SMYD3: variants seen among roughly 807,000 people sequenced by gnomAD.
SMYD3 encodes the protein histone-lysine N-methyltransferase SMYD3.
Under a neutral mutation model 57.7 loss-of-function variants are expected in SMYD3, and 36 were observed. The observed-to-expected ratio is 0.62, with a 90% CI of 0.48 to 0.82. The LOEUF (loss-of-function observed/expected upper bound fraction) is 0.82, where lower values mean the gene tolerates loss of function less well. Ranked by LOEUF, SMYD3 falls within the 40% of genes least tolerant of loss-of-function variation. The probability of loss-of-function intolerance (pLI) is 0.00; values close to 1 mark genes in which losing one functional copy is unlikely to be tolerated. For missense variants in SMYD3, 515 were observed against 538.8 expected (o/e 0.96, Z 0.44); for synonymous variants, 211 against 195.0 (o/e 1.08, Z -0.68).
At chr1:246,470,599 T>C (rs1223651433) in intron 1 of SMYD3, among the ~76,000 whole-genome samples, 1 of 150,452 alleles carries the variant, frequency 6.6e-6, no homozygotes, top group Non-Finnish European at 1.5e-5. Flanking sequence ...ATACATTGTG[T>C]ATATATACAC....
chr1:246,143,016 A>G (rs1366372549), intron 5 of SMYD3, among the ~76,000 whole-genome samples: 3 of 152,224 alleles, frequency 2.0e-5, no homozygotes, highest in Non-Finnish European at 4.4e-5. Context: ...ATGGTAAGAA[A>G]TAATTGCCAC....
intron 5 of SMYD3, among the ~76,000 whole-genome samples, chr1:246,017,280 T>C (rs764799088): frequency 6.6e-6 from 1 of 152,204 alleles, no homozygotes; most frequent in Non-Finnish European, 1.5e-5. Flanking sequence ...GCCCATCACC[T>C]CCAAATTGTG....
At chr1:246,018,675 AGCTCACTGCAGCTTCAAATTCCGGG>A (rs757385142) in intron 5 of SMYD3, among the ~76,000 whole-genome samples, 1 of 150,928 alleles carries the variant, frequency 6.6e-6, no homozygotes, top group Non-Finnish European at 1.5e-5. Context: ...CAAAAATCAC[AGCTCACTGCAGCTTCAAATTCCGGG>A]GCTCATGCAA....
At chr1:246,127,171 T>C (rs1009984430) in intron 5 of SMYD3, among the ~76,000 whole-genome samples, 28 of 152,116 alleles carry the variant, frequency 1.8e-4, no homozygotes, top group African/African-American at 6.8e-4. Flanking sequence ...TAATGCCATA[T>C]AGAACTCTGA....
intron 5 of SMYD3, among the ~76,000 whole-genome samples, chr1:246,090,380 G>C (rs979248040): frequency 5.9e-5 from 9 of 151,822 alleles, no homozygotes; most frequent in Admixed American, 2.0e-4. Flanking sequence ...TCATTAAATG[G>C]GCATGGAAGA....
At chr1:245,807,764 T>A (rs1047098528) in intron 10 of SMYD3, among the ~76,000 whole-genome samples, 1 of 149,372 alleles carries the variant, frequency 6.7e-6, no homozygotes, top group African/African-American at 2.5e-5. Flanking sequence ...TAAAAGTCTA[T>A]AGATTAATCC....
intron 5 of SMYD3, among the ~76,000 whole-genome samples, chr1:246,001,906 G>C (rs891619615): frequency 6.6e-6 from 1 of 152,148 alleles, no homozygotes; most frequent in African/African-American, 2.4e-5. Context: ...TTCAGAACAA[G>C]AGATTTTGAC....
chr1:246,200,855 A>G (rs2062912324), intron 5 of SMYD3, among the ~76,000 whole-genome samples: 1 of 152,202 alleles, frequency 6.6e-6, no homozygotes, highest in African/African-American at 2.4e-5. Context: ...TAAAGTCATG[A>G]TATCAAACCT....
At chr1:246,194,331 G>T (rs980415545) in intron 5 of SMYD3, among the ~76,000 whole-genome samples, 2 of 151,274 alleles carry the variant, frequency 1.3e-5, no homozygotes, top group Non-Finnish European at 2.9e-5. Flanking sequence ...GCAGTAGTGC[G>T]ATCTCAGCTC....
intron 10 of SMYD3, among the ~76,000 whole-genome samples, chr1:245,832,476 GT>G (rs200013317): frequency 5.0e-4 from 11 of 22,150 alleles, no homozygotes; most frequent in Non-Finnish European, 9.6e-4. Flanking sequence ...TCGATTTAAT[GT>G]TTTTTTTGTT....
intron 10 of SMYD3, among the ~76,000 whole-genome samples, chr1:245,773,983 T>C (rs2046437613): frequency 1.3e-5 from 2 of 152,252 alleles, no homozygotes; most frequent in Admixed American, 1.3e-4. Flanking sequence ...TTATAAAAGT[T>C]GGTTTATATT....
At chr1:245,923,039 G>A (rs760841865) in intron 7 of SMYD3, among the ~76,000 whole-genome samples, 8 of 152,058 alleles carry the variant, frequency 5.3e-5, no homozygotes, top group Admixed American at 1.3e-4. Flanking sequence ...AGCCATGGTC[G>A]TATATACAAA....
At chr1:246,080,665 A>G (rs547382918) in intron 5 of SMYD3, among the ~76,000 whole-genome samples, 9 of 152,358 alleles carry the variant, frequency 5.9e-5, no homozygotes, top group Admixed American at 3.3e-4. Context: ...CTTTTACCAT[A>G]CAAAGGAGGA....
chr1:246,098,033 T>C (rs1255077099), intron 5 of SMYD3, among the ~76,000 whole-genome samples: 1 of 152,218 alleles, frequency 6.6e-6, no homozygotes, highest in African/African-American at 2.4e-5. Context: ...CTGTGTCTAA[T>C]TATTTAAAAA....
chr1:246,318,972 G>A (rs12021844), intron 5 of SMYD3, among the ~76,000 whole-genome samples: 1 of 152,256 alleles, frequency 6.6e-6, no homozygotes, highest in East Asian at 1.9e-4. Flanking sequence ...TACGAATGAA[G>A]AACACGATAA....
intron 5 of SMYD3, among the ~76,000 whole-genome samples, chr1:246,293,262 T>C (rs1406541587): frequency 1.3e-5 from 2 of 152,172 alleles, no homozygotes; most frequent in Non-Finnish European, 2.9e-5. Context: ...CTATATTTGG[T>C]CATGTAGTCT....
Position 246,156,957 on chromosome 1 carries a change from C to A in SMYD3, c.531+170244G>T, listed in dbSNP as rs374592234. ...TGTCTGGTTTGGATAAACAATCCAA[C>A]GTAGGCACCATTCACAAAGAAAGGG... On this transcript the variant is annotated intron_variant, in intron 5 of 11. Transcript: ENST00000490107. Among the ~76,000 whole-genome samples the A allele has an allele frequency of 1.2e-3, 184 of 152,260 alleles. 6 individuals carry two copies. In the South Asian group the frequency reaches 0.033, roughly 27 times the overall value.
At chr1:246,348,261 C>T (rs903854775) in intron 2 of SMYD3, among the ~76,000 whole-genome samples, 2 of 151,262 alleles carry the variant, frequency 1.3e-5, no homozygotes, top group Non-Finnish European at 2.9e-5. Context: ...ACTAAAAATA[C>T]AAAAATTAGC....
chr1:246,118,122 G>T (rs6676977), intron 5 of SMYD3, among the ~76,000 whole-genome samples: 26,145 of 151,942 alleles, frequency 0.17, 3,389 homozygotes, highest in African/African-American at 0.36. Context: ...AACCTGAAGT[G>T]CTAAAAAATT....
Sources: allele counts gnomAD v4.1 joint callset (sites outside exome capture counted in the v4.1 genomes callset), GRCh38; gene constraint gnomAD v4.1.1; transcripts MANE v1.5; gene names NCBI Gene and HGNC (gene_info 2026-07-23, HGNC 2026-07-21).